ERC1: variants seen among roughly 807,000 people sequenced by gnomAD.
ERC1 encodes the protein RAB6 interacting protein 2.
In ERC1, 56 loss-of-function variants were observed where a neutral mutation model predicts 132.0. That is an observed-to-expected ratio of 0.42 (90% CI 0.34 to 0.53). ERC1 has a LOEUF of 0.53. Among genes scored for constraint, ERC1 ranks in the 20% least tolerant of loss-of-function variants. The pLI is 0.03. For missense variants in ERC1, 1,202 were observed against 1,349.9 expected (o/e 0.89, Z 1.72); for synonymous variants, 478 against 476.1 (o/e 1.00, Z -0.05).
intron 16 of ERC1, among the ~76,000 whole-genome samples, chr12:1,407,866 C>CT (rs146642074): frequency 0.025 from 3,858 of 152,150 alleles, 65 homozygotes; most frequent in Middle Eastern, 0.051. Flanking sequence ...AGGCCCCACC[C>CT]TTATGACTTC....
chr12:1,306,786 T>C (rs888196762), intron 15 of ERC1, among the ~76,000 whole-genome samples: 13 of 152,168 alleles, frequency 8.5e-5, no homozygotes, highest in African/African-American at 3.1e-4. Context: ...TGACCAGACA[T>C]CTATACATGT....
intron 7 of ERC1, among the ~76,000 whole-genome samples, chr12:1,138,391 A>T (rs1317560294): frequency 6.9e-6 from 1 of 144,590 alleles, no homozygotes. Context: ...TATGTAATAC[A>T]TAATATATGT....
intron 2 of ERC1, among the ~76,000 whole-genome samples, chr12:1,039,347 A>AT (rs1555210990): frequency 7.5e-4 from 112 of 149,526 alleles, no homozygotes; most frequent in Non-Finnish European, 7.4e-4. Flanking sequence ...CAAAAAAAAA[A>AT]AAAAATAAAA....
At chr12:1,116,512 A>G (rs1946459868) in intron 7 of ERC1, among the ~76,000 whole-genome samples, 1 of 152,126 alleles carries the variant, frequency 6.6e-6, no homozygotes, top group South Asian at 2.1e-4. Flanking sequence ...TAAACCACAG[A>G]TTATTAGACA....
intron 16 of ERC1, among the ~76,000 whole-genome samples, chr12:1,396,832 C>T (rs1364027251): frequency 5.3e-5 from 8 of 152,118 alleles, no homozygotes; most frequent in South Asian, 2.1e-4. Context: ...GAGTTGGAAC[C>T]GAACCTCTGC....
At chr12:1,249,490 T>TTCTG (rs575392421) in intron 13 of ERC1, among the ~76,000 whole-genome samples, 165 of 152,346 alleles carry the variant, frequency 1.1e-3, no homozygotes, top group African/African-American at 3.8e-3. Context: ...ATTAGTTTGT[T>TTCTG]TCTGCATTGA....
chr12:1,166,313 C>T (rs1378371996), intron 8 of ERC1, among the ~76,000 whole-genome samples: 1 of 152,172 alleles, frequency 6.6e-6, no homozygotes, highest in African/African-American at 2.4e-5. Context: ...CCTGCACAAG[C>T]TCTCTCTGTC....
intron 12 of ERC1, among the ~76,000 whole-genome samples, chr12:1,228,643 G>A (rs185851941): frequency 9.2e-5 from 14 of 152,194 alleles, no homozygotes; most frequent in South Asian, 4.1e-4. Flanking sequence ...ACTTTTCACC[G>A]TTAGATTTAT....
intron 8 of ERC1, among the ~76,000 whole-genome samples, chr12:1,155,713 T>A (rs1951323187): frequency 6.6e-6 from 1 of 152,140 alleles, no homozygotes; most frequent in Non-Finnish European, 1.5e-5. Flanking sequence ...CCTCGTGATC[T>A]GCCTGCCTCA....
chr12:1,247,406 C>G (rs1348179296), intron 13 of ERC1, among the ~76,000 whole-genome samples: 2 of 152,054 alleles, frequency 1.3e-5, no homozygotes, highest in African/African-American at 4.8e-5. Flanking sequence ...ATTACAGGAG[C>G]CTGTATAAGG....
intron 18 of ERC1, among the ~76,000 whole-genome samples, chr12:1,447,655 T>C (rs2093336837): frequency 6.6e-6 from 1 of 152,072 alleles, no homozygotes; most frequent in African/African-American, 2.4e-5. Context: ...TTTTTGTTTT[T>C]GTTTTTGTTT....
At position 1,362,643 on chromosome 12, in the gene ERC1, T is replaced by C. The variant is rs188039596; in HGVS notation, c.2781-9190T>C. ...GCCAAATGCTGTGTGATCCTACTTA[T>C]ATGAGGTACCTGGAGTAGTCAGATT... On this transcript the variant is annotated intron_variant, in intron 15 of 18. Transcript: ENST00000360905. Among the ~76,000 whole-genome samples, 30 of 152,308 alleles carry C rather than the reference T, an allele frequency of 2.0e-4. No individual in the cohort carries two copies. In the East Asian group the frequency reaches 5.4e-3, roughly 27 times the overall value.
At chr12:1,438,793 A>T (rs1458748810) in intron 17 of ERC1, among the ~76,000 whole-genome samples, 3 of 152,120 alleles carry the variant, frequency 2.0e-5, no homozygotes, top group Non-Finnish European at 4.4e-5. Context: ...AATTTAAAAA[A>T]TTAGCCGGGT....
intron 2 of ERC1, among the ~76,000 whole-genome samples, chr12:1,081,641 G>T (rs573575401): frequency 4.6e-5 from 7 of 152,216 alleles, no homozygotes; most frequent in Admixed American, 4.6e-4. Flanking sequence ...ACATGTGTTG[G>T]GTATCTAAAA....
chr12:1,110,133 A>G, intron 4 of ERC1, 59 bp from the exon 5 acceptor site: 1 of 1,382,868 alleles, frequency 7.2e-7, no homozygotes, highest in Non-Finnish European at 9.9e-7. Context: ...ATATCATGTT[A>G]TTCAGCTTTT....
intron 8 of ERC1, among the ~76,000 whole-genome samples, chr12:1,174,142 T>A (rs1953413292): frequency 6.6e-6 from 1 of 152,252 alleles, no homozygotes; most frequent in Non-Finnish European, 1.5e-5. Flanking sequence ...GAAGTATTTT[T>A]ATGGGCACAC....
At chr12:1,188,135 GT>G (rs1470325111) in intron 11 of ERC1, among the ~76,000 whole-genome samples, 1 of 152,122 alleles carries the variant, frequency 6.6e-6, no homozygotes, top group African/African-American at 2.4e-5. Context: ...CTTCACTTTT[GT>G]TTACACAATC....
chr12:1,102,268 G>A (rs1436681119), intron 3 of ERC1, among the ~76,000 whole-genome samples: 1 of 152,106 alleles, frequency 6.6e-6, no homozygotes, highest in Non-Finnish European at 1.5e-5. Flanking sequence ...ATAGAAACTG[G>A]CTGATCATTC....
chr12:1,163,640 C>CA (rs1437628073), intron 8 of ERC1, among the ~76,000 whole-genome samples: 1 of 152,188 alleles, frequency 6.6e-6, no homozygotes, highest in African/African-American at 2.4e-5. Context: ...GATCTCCTAC[C>CA]AAGATGGCTT....
Sources: gnomAD v4.1 joint callset for allele counts (sites outside exome capture counted in the v4.1 genomes callset) on GRCh38, gnomAD v4.1.1 for gene constraint, MANE v1.5 for transcripts, NCBI Gene and HGNC (gene_info 2026-07-23, HGNC 2026-07-21) for gene names.